Variants in ME1 observed in about 807,000 individuals in gnomAD.
ME1 encodes the protein NADP-dependent malic enzyme.
A neutral mutation model predicts 66.4 loss-of-function variants in ME1; 74 were observed. That is an observed-to-expected ratio of 1.11 (90% CI 0.92 to 1.35). The LOEUF (loss-of-function observed/expected upper bound fraction) is 1.35, where lower values mean the gene tolerates loss of function less well. Ranked by LOEUF, ME1 falls within the 40% of genes most tolerant of loss-of-function variation. The pLI, the probability that ME1 is intolerant of heterozygous loss-of-function variation, is 0.00. For synonymous variants in ME1, 251 were observed against 235.6 expected, an observed-to-expected ratio of 1.07 and a Z score of -0.60; for missense variants, 750 against 694.1, an observed-to-expected ratio of 1.08 and a Z score of -0.90.
chr6:83,321,176 C>G (rs1267529772), intron 5 of ME1, among the ~76,000 whole-genome samples: 1 of 152,186 alleles, frequency 6.6e-6, no homozygotes, highest in Admixed American at 6.5e-5. Context: ...AGGAGATTCC[C>G]TTGGGTGCTT....
At chr6:83,362,225 G>T (rs1186077290) in intron 3 of ME1, among the ~76,000 whole-genome samples, 1 of 152,234 alleles carries the variant, frequency 6.6e-6, no homozygotes, top group African/African-American at 2.4e-5. Flanking sequence ...TGGGCTGTAG[G>T]TTTGGCTGGA....
intron 6 of ME1, among the ~76,000 whole-genome samples, chr6:83,303,918 T>G (rs1767776768): frequency 6.6e-6 from 1 of 152,184 alleles, no homozygotes; most frequent in Non-Finnish European, 1.5e-5. Flanking sequence ...ATACATTATT[T>G]TCTTTGGGGA....
At chr6:83,398,691 G>C (rs1490721147) in intron 2 of ME1, among the ~76,000 whole-genome samples, 175 bp from the exon 3 acceptor site, 2 of 152,154 alleles carry the variant, frequency 1.3e-5, no homozygotes, top group African/African-American at 4.8e-5. Flanking sequence ...CAGAGTCTTG[G>C]CCGGGCACAG....
rs576723040 is a variant in ME1, at chr6:83,392,887, C to G, written c.362+5480G>C. 5.1e-5 allele frequency: 40 copies of G among 791,310 alleles called. No homozygotes were observed. In the African/African-American group the frequency reaches 5.2e-4, roughly 10 times the overall value. The allele number at this position is 791,310 out of a possible 1,614,324, so 49.0% of individuals were successfully genotyped here. On this transcript the variant is annotated intron_variant, in intron 3 of 13. Transcript: ENST00000369705. ...GCCTCCTGCACCACCAGCTGCTTAA[C>G]GCCCCTGGCCAAGGTCATCCATGAC...
Position 83,348,984 on chromosome 6 carries a change from C to CAAAAAA in ME1, c.439-2656_439-2651dup, listed in dbSNP as rs71545855. 1.0e-3 allele frequency among the ~76,000 whole-genome samples: 47 copies of CAAAAAA among 47,178 alleles called. 1 individual carries two copies. Among genetic ancestry groups the CAAAAAA allele is most frequent in the African/African-American group, 2.9e-3 (37 of 12,742 alleles). 31.0% of individuals were successfully genotyped at this position (47,178 alleles called of 152,430 possible). A position where few individuals can be genotyped will look rare whatever the true frequency, so the allele number is the denominator to read the frequency against. On this transcript the variant is annotated intron_variant, in intron 4 of 13. Transcript: ENST00000369705. Reference sequence around the variant, plus strand: ...GGGCAACAAGAGCAAAACTCTGTCTCAAAAAAAAAAAAAAAAACAAAAAAC... The same window carrying CAAAAAA: ...GGGCAACAAGAGCAAAACTCTGTCTCAAAAAAAAAAAAAAAAAAAAAAACAAAAAAC...
chr6:83,394,273 T>C (rs890457266), intron 3 of ME1, among the ~76,000 whole-genome samples: 10 of 152,058 alleles, frequency 6.6e-5, no homozygotes, highest in African/African-American at 1.7e-4. Context: ...ATAAGACCTA[T>C]TGTATATTTC....
intron 5 of ME1, among the ~76,000 whole-genome samples, chr6:83,319,957 C>G (rs745645661): frequency 1.3e-5 from 2 of 152,138 alleles, no homozygotes; most frequent in African/African-American, 2.4e-5. Flanking sequence ...GGAGCAAAAC[C>G]CAAGAAACCT....
At chr6:83,295,143 A>G (rs1368484533) in intron 6 of ME1, among the ~76,000 whole-genome samples, 9 of 152,226 alleles carry the variant, frequency 5.9e-5, no homozygotes, top group African/African-American at 1.9e-4. Context: ...TCAAAACTTC[A>G]ACACCAAAAA....
intron 6 of ME1, among the ~76,000 whole-genome samples, chr6:83,287,379 C>T (rs1767415772): frequency 6.6e-6 from 1 of 152,272 alleles, no homozygotes; most frequent in East Asian, 1.9e-4. Flanking sequence ...GTTCAACTCC[C>T]ACTTAGGAGT....
chr6:83,281,724 T>C (rs1042139741), intron 6 of ME1, among the ~76,000 whole-genome samples: 1 of 133,292 alleles, frequency 7.5e-6, no homozygotes, highest in African/African-American at 2.9e-5. Flanking sequence ...GAGAATCACC[T>C]GAACCTGGGA....
chr6:83,290,090 A>C (rs1767474016), intron 6 of ME1, among the ~76,000 whole-genome samples: 2 of 152,038 alleles, frequency 1.3e-5, no homozygotes, highest in African/African-American at 4.8e-5. Context: ...TCCTGCATTC[A>C]TTAATTTTTG....
At chr6:83,393,462 C>A in intron 3 of ME1, 2 of 541,218 alleles carry the variant, frequency 3.7e-6, no homozygotes, top group South Asian at 4.0e-5. Context: ...GAGCGGCCCT[C>A]ACTGCTGGAG....
Position 83,300,747 on chromosome 6 carries a change from C to A in ME1, c.704+14563G>T, listed in dbSNP as rs549169300. Among the ~76,000 whole-genome samples the A allele has an allele frequency of 5.3e-5, 8 of 151,186 alleles. No individual in the cohort carries two copies. The South Asian group carries it at 1.7e-3, about 32-fold the overall frequency. ...ATGCTGCTATAAAGACACAAGCACA[C>A]GTATGTTTATTGCGGCACTATTCAC... On this transcript the variant is annotated intron_variant, in intron 6 of 13. Transcript: ENST00000369705.
At chr6:83,393,798 T>C (rs573634031) in intron 3 of ME1, among the ~76,000 whole-genome samples, 3 of 152,256 alleles carry the variant, frequency 2.0e-5, no homozygotes, top group South Asian at 2.1e-4. Flanking sequence ...TATAGAAATA[T>C]ATTTTTTGGA....
intron 3 of ME1, chr6:83,392,280 AC>A (rs1179926061): frequency 2.0e-6 from 1 of 489,084 alleles, no homozygotes; most frequent in African/African-American, 2.2e-5. Flanking sequence ...GCCATCAATG[AC>A]CCCTTCATTG....
intron 5 of ME1, among the ~76,000 whole-genome samples, chr6:83,327,855 T>A (rs571334567): frequency 1.3e-5 from 2 of 152,268 alleles, no homozygotes; most frequent in East Asian, 3.9e-4. Flanking sequence ...ACATGTGATG[T>A]CTCCCCCGGA....
intron 6 of ME1, among the ~76,000 whole-genome samples, chr6:83,287,465 C>T (rs1767416853): frequency 6.6e-6 from 1 of 152,226 alleles, no homozygotes; most frequent in East Asian, 1.9e-4. Context: ...CATCCATGTC[C>T]CTGCAAAGAA....
intron 3 of ME1, among the ~76,000 whole-genome samples, chr6:83,371,970 C>T (rs1769199995): frequency 6.6e-6 from 1 of 152,088 alleles, no homozygotes. Context: ...TTCCATGGCA[C>T]CCTATATTCT....
intron 6 of ME1, among the ~76,000 whole-genome samples, chr6:83,287,779 A>G (rs1478171980): frequency 2.6e-5 from 4 of 152,202 alleles, no homozygotes; most frequent in African/African-American, 9.6e-5. Context: ...AATAGTGTAA[A>G]AGCATTCCTA....
Sources: allele counts gnomAD v4.1 joint callset (sites outside exome capture counted in the v4.1 genomes callset), GRCh38; gene constraint gnomAD v4.1.1; transcripts MANE v1.5; gene names NCBI Gene and HGNC (gene_info 2026-07-23, HGNC 2026-07-21).